The following SNX10 variants were observed in gnomAD, a reference collection of about 807,000 sequenced individuals.
The protein encoded by SNX10 is sorting nexin 10.
SNX10 carries 25 observed loss-of-function variants against 28.5 expected under a neutral mutation model. That is an observed-to-expected ratio of 0.88 (90% CI 0.64 to 1.22). SNX10 has a LOEUF of 1.22. Among genes scored for constraint, SNX10 ranks in the 50% most tolerant of loss-of-function variants. SNX10 has a pLI of 0.00. For missense variants in SNX10, 223 were observed against 242.6 expected (o/e 0.92, Z 0.54); for synonymous variants, 62 against 81.4 (o/e 0.76, Z 1.28).
chr7:26,307,089 A>G (rs1786630474), intron 1 of SNX10, among the ~76,000 whole-genome samples: 1 of 152,224 alleles, frequency 6.6e-6, no homozygotes, highest in African/African-American at 2.4e-5. Context: ...GGCACCGTGA[A>G]GGAAAGAGGG....
At chr7:26,326,023 T>G (rs1787491041) in intron 1 of SNX10, among the ~76,000 whole-genome samples, 1 of 152,152 alleles carries the variant, frequency 6.6e-6, no homozygotes, top group Non-Finnish European at 1.5e-5. Flanking sequence ...CCACCGTGCC[T>G]GGCCAAAATT....
rs1000821741 is a variant in SNX10, at chr7:26,313,501, T to C, written c.-24+21415T>C. Among the ~76,000 whole-genome samples the C allele has an allele frequency of 2.6e-5, 4 of 152,218 alleles. No homozygotes were observed. In the South Asian group the frequency reaches 8.3e-4, roughly 32 times the overall value. On this transcript the variant is annotated intron_variant, in intron 1 of 6. Transcript: ENST00000338523. Reference sequence around the variant, plus strand: ...CCAGCATGGGAGGACCTACTATATCTGGGACTCTATGCAAAGAATATTCAG... The same window carrying C: ...CCAGCATGGGAGGACCTACTATATCCGGGACTCTATGCAAAGAATATTCAG...
intron 1 of SNX10, among the ~76,000 whole-genome samples, chr7:26,317,034 G>T (rs999131554): frequency 2.6e-5 from 4 of 152,172 alleles, no homozygotes; most frequent in Admixed American, 2.6e-4. Context: ...CGAGGCCGGA[G>T]ATGCTAAATA....
intron 2 of SNX10, among the ~76,000 whole-genome samples, chr7:26,359,549 T>C (rs2128020866): frequency 6.6e-6 from 1 of 152,354 alleles, no homozygotes; most frequent in Non-Finnish European, 1.5e-5. Flanking sequence ...TTATGATCAC[T>C]GAGTAAATAA....
intron 1 of SNX10, among the ~76,000 whole-genome samples, chr7:26,338,094 T>C (rs931433420): frequency 2.7e-5 from 4 of 150,932 alleles, no homozygotes; most frequent in Non-Finnish European, 5.9e-5. Context: ...GAGAAACGTC[T>C]ATCAATTCCT....
rs575529824 is a variant in SNX10 at position 26,366,443 on chromosome 7, A to ACTGATTAG, written c.311+1300_311+1307dup. Among the ~76,000 whole-genome samples the ACTGATTAG allele has an allele frequency of 1.4e-3, 215 of 152,314 alleles. No homozygotes were observed. The Middle Eastern group carries it at 0.017, about 12-fold the overall frequency. On this transcript the variant is annotated intron_variant, in intron 5 of 6. Coordinates refer to ENST00000338523, the MANE Select transcript of SNX10 (RefSeq NM_013322.3). The stretch of plus-strand genomic sequence containing the variant: ...ATAAACATGGCAAGAGACCAGAAGA[A>ACTGATTAG]CTGATTAGCAGAGCCAAGTCCTCCG...
At chr7:26,351,951 C>T (rs577875798) in intron 2 of SNX10, among the ~76,000 whole-genome samples, 2 of 152,062 alleles carry the variant, frequency 1.3e-5, no homozygotes, top group South Asian at 2.1e-4. Context: ...CCACTGTGCC[C>T]GACCAGCAAT....
At chr7:26,370,522 A>G (rs1789478374) in intron 5 of SNX10, 1 of 152,182 alleles carries the variant, frequency 6.6e-6, no homozygotes, top group Non-Finnish European at 1.5e-5. Flanking sequence ...CAAACTGTAA[A>G]CCTGCTGAAG....
At chr7:26,293,670 CAT>C (rs1405313292) in intron 1 of SNX10, among the ~76,000 whole-genome samples, 1 of 152,102 alleles carries the variant, frequency 6.6e-6, no homozygotes, top group Non-Finnish European at 1.5e-5. Flanking sequence ...TCTACCAGTC[CAT>C]TTCATTCTCA....
At chr7:26,324,522 A>G (rs1294202134) in intron 1 of SNX10, among the ~76,000 whole-genome samples, 4 of 152,084 alleles carry the variant, frequency 2.6e-5, no homozygotes, top group African/African-American at 9.7e-5. Context: ...CCACACCTGG[A>G]TAATTTTTAA....
At chr7:26,308,348 G>C (rs1458716258) in intron 1 of SNX10, among the ~76,000 whole-genome samples, 1 of 152,150 alleles carries the variant, frequency 6.6e-6, no homozygotes, top group Non-Finnish European at 1.5e-5. Flanking sequence ...CTTTACCCTG[G>C]GGGAAGCAAT....
chr7:26,294,901 G>A (rs1786052915), intron 1 of SNX10, among the ~76,000 whole-genome samples: 1 of 152,146 alleles, frequency 6.6e-6, no homozygotes, highest in African/African-American at 2.4e-5. Context: ...GCCTGGGTCT[G>A]GAATCAGTAG....
chr7:26,293,897 T>C (rs370634329), intron 1 of SNX10, among the ~76,000 whole-genome samples: 7 of 152,208 alleles, frequency 4.6e-5, no homozygotes, highest in African/African-American at 9.7e-5. Flanking sequence ...AAGAGTAACG[T>C]TGGTGTTCTA....
At chr7:26,324,715 C>T (rs1057330444) in intron 1 of SNX10, among the ~76,000 whole-genome samples, 9 of 152,154 alleles carry the variant, frequency 5.9e-5, no homozygotes, top group African/African-American at 2.2e-4. Context: ...AATGAAGGTG[C>T]TATGAATAAT....
intron 1 of SNX10, among the ~76,000 whole-genome samples, chr7:26,299,150 G>T (rs1413653619): frequency 6.6e-6 from 1 of 152,144 alleles, no homozygotes; most frequent in East Asian, 1.9e-4. Flanking sequence ...ATTACCTGTG[G>T]AGAGTGAGAT....
At chr7:26,350,769 A>G (rs556222876) in intron 2 of SNX10, among the ~76,000 whole-genome samples, 5 of 150,782 alleles carry the variant, frequency 3.3e-5, no homozygotes, top group Non-Finnish European at 7.4e-5. Context: ...TTTCCATAAG[A>G]GGCAATTTAC....
intron 1 of SNX10, among the ~76,000 whole-genome samples, chr7:26,304,765 C>G (rs1786518400): frequency 6.6e-6 from 1 of 152,204 alleles, no homozygotes; most frequent in Admixed American, 6.5e-5. Context: ...ATTCCTGTGG[C>G]ATTTGATGCT....
chr7:26,361,861 C>T (rs1789085860), intron 3 of SNX10, among the ~76,000 whole-genome samples: 3 of 152,276 alleles, frequency 2.0e-5, no homozygotes, highest in Admixed American at 6.5e-5. Flanking sequence ...TTATTGGCCC[C>T]GATTTTGAGG....
rs188035340 is a variant in SNX10, at chr7:26,374,231, G to A, written c.*1659G>A. ...ACCAATTGTCATATTATTTTTAGAT[G>A]ATGTAACATAGCCATCAAAATTAAT... is the stretch of plus-strand genomic sequence containing the variant. On this transcript the variant is annotated 3_prime_UTR_variant, in exon 7 of 7. Transcript: ENST00000338523. The A allele has an allele frequency of 1.1e-4, 16 of 151,952 alleles. No individual in the cohort carries two copies. Among genetic ancestry groups the A allele is most frequent in the Admixed American group, 1.0e-3 (16 of 15,270 alleles). The allele number at this position is 151,952 out of a possible 1,614,324, so 9.4% of individuals were successfully genotyped here. A position where few individuals can be genotyped will look rare whatever the true frequency, so the allele number is the denominator to read the frequency against.
Sources: gnomAD v4.1 joint callset for allele counts (sites outside exome capture counted in the v4.1 genomes callset) on GRCh38, gnomAD v4.1.1 for gene constraint, MANE v1.5 for transcripts, NCBI Gene and HGNC (gene_info 2026-07-23, HGNC 2026-07-21) for gene names.